Variants in SCRG1 observed in about 807,000 individuals in gnomAD.
SCRG1 encodes the protein stimulator of chondrogenesis 1.
In SCRG1, 3 loss-of-function variants were observed where a neutral mutation model predicts 7.7. The ratio of observed to expected loss-of-function variants is 0.39; its 90% confidence interval spans 0.18 to 1.01. SCRG1 has a LOEUF of 1.01. Ranked by LOEUF, SCRG1 falls within the 50% of genes least tolerant of loss-of-function variation. SCRG1 has a pLI of 0.36. For synonymous variants in SCRG1, 46 were observed against 41.2 expected, an observed-to-expected ratio of 1.12 and a Z score of -0.44; for missense variants, 110 against 117.2, an observed-to-expected ratio of 0.94 and a Z score of 0.28.
the SCRG1 span, among the ~76,000 whole-genome samples, chr4:173,455,008 CT>C: frequency 6.6e-6 from 1 of 152,050 alleles, no homozygotes; most frequent in Non-Finnish European, 1.5e-5. Context: ...ATAATCTTGG[CT>C]CCTTGGTTGT....
chr4:173,394,943 G>A (rs1004542148), intron 1 of SCRG1, among the ~76,000 whole-genome samples: 5 of 152,004 alleles, frequency 3.3e-5, no homozygotes, highest in Non-Finnish European at 7.4e-5. Flanking sequence ...ATTTTCTTAT[G>A]CTATTTTGTT....
intron 1 of SCRG1, among the ~76,000 whole-genome samples, chr4:173,393,777 T>TTATA (rs35910045): frequency 7.9e-5 from 12 of 151,224 alleles, no homozygotes; most frequent in Admixed American, 2.0e-4. Context: ...AATATTTGTT[T>TTATA]TATATATATA....
At chr4:173,434,704 G>A in the SCRG1 span, among the ~76,000 whole-genome samples, 8 of 152,114 alleles carry the variant, frequency 5.3e-5, 1 homozygote, top group South Asian at 4.1e-4. Flanking sequence ...TCGTGGTGAC[G>A]CCTGTAATTC....
chr4:173,472,130 C>T, the SCRG1 span, among the ~76,000 whole-genome samples: 1 of 152,124 alleles, frequency 6.6e-6, no homozygotes, highest in Non-Finnish European at 1.5e-5. Context: ...GTGAATATAT[C>T]ATGGAAGAAT....
the SCRG1 span, among the ~76,000 whole-genome samples, chr4:173,480,940 T>G: frequency 1.3e-5 from 2 of 152,126 alleles, no homozygotes; most frequent in Non-Finnish European, 2.9e-5. Flanking sequence ...GTTTGAACAT[T>G]TTTATGATAA....
chr4:173,388,473 C>T (rs1480355316), intron 2 of SCRG1, 78 bp from the exon 3 acceptor site: 1 of 928,758 alleles, frequency 1.1e-6, no homozygotes, highest in Non-Finnish European at 1.7e-6. Flanking sequence ...TAAAAATAGA[C>T]AGTGATTTCC....
At chr4:173,432,317 C>CCCTT in the SCRG1 span, among the ~76,000 whole-genome samples, 70 of 123,456 alleles carry the variant, frequency 5.7e-4, no homozygotes, top group East Asian at 8.4e-4. Context: ...CTCCCTCCTT[C>CCCTT]CCTTCCTTCC....
chr4:173,480,503 G>GA, the SCRG1 span, among the ~76,000 whole-genome samples: 2 of 151,664 alleles, frequency 1.3e-5, no homozygotes, highest in South Asian at 2.1e-4. Context: ...TTCAAAATTG[G>GA]AAAAAAACTC....
chr4:173,420,712 A>T, the SCRG1 span, among the ~76,000 whole-genome samples: 29 of 152,118 alleles, frequency 1.9e-4, no homozygotes, highest in African/African-American at 7.0e-4. Flanking sequence ...GCTGAAAAAA[A>T]AAAAAAGAAA....
At chr4:173,466,773 T>C in the SCRG1 span, among the ~76,000 whole-genome samples, 2 of 152,334 alleles carry the variant, frequency 1.3e-5, no homozygotes, top group East Asian at 1.9e-4. Flanking sequence ...GCTGTAAAAC[T>C]ATAGTGAATT....
At chr4:173,486,270 C>T in the SCRG1 span, among the ~76,000 whole-genome samples, 2 of 152,240 alleles carry the variant, frequency 1.3e-5, no homozygotes, top group South Asian at 4.2e-4. Context: ...TATTTCCAGG[C>T]CAGTGTTTAA....
At chr4:173,484,342 T>TAA in the SCRG1 span, among the ~76,000 whole-genome samples, 1 of 65,650 alleles carries the variant, frequency 1.5e-5, no homozygotes, top group African/African-American at 5.9e-5. Flanking sequence ...ATTTAACATA[T>TAA]TATATAATAT....
the SCRG1 span, among the ~76,000 whole-genome samples, chr4:173,485,162 AT>A: frequency 5.5e-3 from 563 of 101,472 alleles, 152 homozygotes; most frequent in African/African-American, 0.021. Flanking sequence ...TATATAATAT[AT>A]TATATATATT....
chr4:173,461,538 A>C, the SCRG1 span, among the ~76,000 whole-genome samples: 3 of 152,286 alleles, frequency 2.0e-5, no homozygotes, highest in African/African-American at 7.2e-5. Flanking sequence ...AAAGCAGTTT[A>C]GATCACAACA....
At chr4:173,516,724 T>A in the SCRG1 span, among the ~76,000 whole-genome samples, 2 of 152,108 alleles carry the variant, frequency 1.3e-5, no homozygotes, top group African/African-American at 4.8e-5. Context: ...CCTGTGGAAA[T>A]TAGTCATATT....
At chr4:173,475,861 C>T in the SCRG1 span, among the ~76,000 whole-genome samples, 11,028 of 151,982 alleles carry the variant, frequency 0.073, 549 homozygotes, top group Non-Finnish European at 0.097. Flanking sequence ...TATGTAACTC[C>T]ACTTATAGGA....
the SCRG1 span, among the ~76,000 whole-genome samples, chr4:173,509,454 G>C: frequency 1.3e-5 from 2 of 152,206 alleles, no homozygotes; most frequent in South Asian, 2.1e-4. The surrounding 1 kb of genome is among the most constrained non-coding windows in gnomAD (Gnocchi z 5.7). Flanking sequence ...TCGGTAGCGG[G>C]GGCCGCAGCG....
the SCRG1 span, among the ~76,000 whole-genome samples, chr4:173,511,768 A>G: frequency 6.4e-3 from 971 of 152,250 alleles, 27 homozygotes; most frequent in East Asian, 0.12. This position sits in a 1 kb window ranked among gnomAD's most constrained non-coding sequence, Gnocchi z 5.2. Context: ...TATGTAATAT[A>G]TATTATAATG....
upstream of SCRG1, among the ~76,000 whole-genome samples, chr4:173,409,122 C>T (rs1295974984): frequency 6.6e-6 from 1 of 152,068 alleles, no homozygotes; most frequent in African/African-American, 2.4e-5. Flanking sequence ...AGAAGCCTGC[C>T]TCACTGAGAG....
Sources: gnomAD v4.1 joint callset for allele counts (sites outside exome capture counted in the v4.1 genomes callset) on GRCh38, gnomAD v4.1.1 for gene constraint, Gnocchi (gnomAD v3.1) non-coding constraint, MANE v1.5 for transcripts, NCBI Gene and HGNC (gene_info 2026-07-23, HGNC 2026-07-21) for gene names.